Variants in ZMIZ1 observed in about 807,000 individuals in gnomAD.
The protein encoded by ZMIZ1 is zinc finger MIZ domain-containing protein 1.
In ZMIZ1, 17 loss-of-function variants were observed where a neutral mutation model predicts 113.9. The observed-to-expected ratio is 0.15, with a 90% CI of 0.10 to 0.22. The LOEUF (loss-of-function observed/expected upper bound fraction) is 0.22. Ranked by LOEUF, ZMIZ1 falls within the 10% of genes least tolerant of loss-of-function variation. The probability of loss-of-function intolerance (pLI) is 1.00; values close to 1 mark genes in which losing one functional copy is unlikely to be tolerated. For missense variants in ZMIZ1, 1,059 were observed against 1,477.8 expected (o/e 0.72, Z 4.65); for synonymous variants, 607 against 603.1 (o/e 1.01, Z -0.09).
At chr10:79,100,580 C>T (rs1843330046) in intron 1 of ZMIZ1, among the ~76,000 whole-genome samples, 1 of 152,118 alleles carries the variant, frequency 6.6e-6, no homozygotes, top group Non-Finnish European at 1.5e-5. Flanking sequence ...TCAGGGTCAA[C>T]AAGGAAACAT....
intron 7 of ZMIZ1, among the ~76,000 whole-genome samples, chr10:79,275,903 C>G (rs1225640893): frequency 3.9e-5 from 6 of 152,208 alleles, no homozygotes; most frequent in African/African-American, 1.4e-4. Context: ...AAAAAGGATG[C>G]AGAAGCACGT....
Position 79,296,369 on chromosome 10 carries a change from C to A in ZMIZ1, c.1231-102C>A. The A allele has an allele frequency of 7.8e-7, 1 of 1,285,142 alleles. No individual in the cohort carries two copies. The highest frequency in any genetic ancestry group is 1.1e-6 in the Non-Finnish European group (1 of 898,236). The allele number at this position is 1,285,142 out of a possible 1,614,324, so 79.6% of individuals were successfully genotyped here. On this transcript the variant is annotated intron_variant, in intron 12 of 24. Transcript: ENST00000334512. This position sits in a 1 kb window ranked among gnomAD's most constrained non-coding sequence, Gnocchi z 4.1. ...TTTTGTGGGTGGGAAACAGCAGGAG[C>A]AAATGAGGAGAGGCGGGCCCCATCC...
chr10:79,184,042 G>A (rs1048600879), intron 4 of ZMIZ1, among the ~76,000 whole-genome samples: 3 of 152,166 alleles, frequency 2.0e-5, no homozygotes, highest in South Asian at 2.1e-4. Flanking sequence ...AGGAAACGTC[G>A]GCCAGCGTTG....
At chr10:79,176,559 G>T (rs991337115) in intron 4 of ZMIZ1, among the ~76,000 whole-genome samples, 2 of 152,020 alleles carry the variant, frequency 1.3e-5, no homozygotes, top group African/African-American at 4.8e-5. Context: ...ATAACATTCG[G>T]TGCACACTGG....
At chr10:79,300,979 C>G in intron 17 of ZMIZ1, 37 bp downstream of exon 17, 1 of 1,600,856 alleles carries the variant, frequency 6.2e-7, no homozygotes. Flanking sequence ...TTGGCACAGG[C>G]AGGCCCTGTT....
At chr10:79,114,767 C>T (rs1414229761) in intron 1 of ZMIZ1, among the ~76,000 whole-genome samples, 1 of 152,000 alleles carries the variant, frequency 6.6e-6, no homozygotes, top group Non-Finnish European at 1.5e-5. Flanking sequence ...ATCTCCCCTC[C>T]CCCTGACATC....
intron 11 of ZMIZ1, chr10:79,292,801 CCTT>C (rs1248300858): frequency 2.4e-5 from 11 of 463,464 alleles, no homozygotes; most frequent in South Asian, 1.7e-4. Context: ...TGCTCCCTGA[CCTT>C]CTGAAGGATG....
At chr10:79,208,134 T>TGGG (rs1327736430) in intron 5 of ZMIZ1, among the ~76,000 whole-genome samples, 183 of 15,002 alleles carry the variant, frequency 0.012, 3 homozygotes, top group African/African-American at 0.04. Context: ...GAGGTGGGGG[T>TGGG]GGGGGGGGGT....
intron 1 of ZMIZ1, among the ~76,000 whole-genome samples, chr10:79,101,069 G>A (rs893101981): frequency 2.8e-4 from 42 of 152,180 alleles, no homozygotes; most frequent in African/African-American, 8.2e-4. Context: ...TCTTGAAGGG[G>A]TCCACAGAGG....
intron 24 of ZMIZ1, among the ~76,000 whole-genome samples, chr10:79,311,748 G>A (rs1855183805): frequency 6.6e-6 from 1 of 152,158 alleles, no homozygotes; most frequent in Admixed American, 6.5e-5. Flanking sequence ...GGGCAGCAGA[G>A]GTGCCAGGGC....
chr10:79,273,996 G>C (rs1852109574), intron 7 of ZMIZ1, among the ~76,000 whole-genome samples: 1 of 152,242 alleles, frequency 6.6e-6, no homozygotes, highest in Non-Finnish European at 1.5e-5. Flanking sequence ...GGGGGAAAGG[G>C]ACATTGGGTC....
intron 4 of ZMIZ1, among the ~76,000 whole-genome samples, chr10:79,181,822 CT>C (rs1847131469): frequency 6.6e-6 from 1 of 152,242 alleles, no homozygotes; most frequent in African/African-American, 2.4e-5. Flanking sequence ...TTGACCTCCC[CT>C]GACTTGGCGG....
rs147595782 is a variant in ZMIZ1 at position 79,267,606 on chromosome 10, C to G, written c.281-9575C>G. ...CTAAAGTAACTTACCCAAGATCACA[C>G]AGCTGCTACGTGGCTGAGCTGGGAT... On this transcript the variant is annotated intron_variant, in intron 7 of 24. Transcript: ENST00000334512. Among the ~76,000 whole-genome samples the G allele has an allele frequency of 4.6e-5, 7 of 152,338 alleles. No individual in the cohort carries two copies. In the East Asian group the frequency reaches 1.3e-3, roughly 29 times the overall value.
chr10:79,083,043 G>A (rs575744936), intron 1 of ZMIZ1, among the ~76,000 whole-genome samples: 91 of 152,364 alleles, frequency 6.0e-4, no homozygotes, highest in African/African-American at 2.1e-3. Context: ...CCAGGCCCTG[G>A]GGATACATTG....
rs758257181 is a variant in ZMIZ1, at chr10:79,299,111, C to A, written c.1728C>A (p.Pro576=). 6.2e-7 allele frequency: 1 copy of A among 1,612,588 alleles called. No individual in the cohort carries two copies. Among genetic ancestry groups the A allele is most frequent in the Non-Finnish European group, 8.5e-7 (1 of 1,179,912 alleles). The change falls in exon 16 of 25, where the codon CCC becomes CCA. Residue 576 remains proline, a synonymous_variant. Transcript: ENST00000334512. ...FPVRDGVVLE[P]FRLEHNLAVS... is the part of the protein sequence containing the mutation. ...TGCGGGATGGCGTGGTGCTGGAGCC[C>A]TTCCGCCTGGAGCACAACCTGGCGG... is the stretch of plus-strand genomic sequence containing the variant.
intron 6 of ZMIZ1, among the ~76,000 whole-genome samples, chr10:79,214,606 G>A (rs1336416696): frequency 6.6e-6 from 1 of 152,170 alleles, no homozygotes; most frequent in Non-Finnish European, 1.5e-5. Context: ...CGTGGGGAAC[G>A]ATTCTGTTGG....
chr10:79,246,857 G>A (rs1036635960), intron 7 of ZMIZ1, among the ~76,000 whole-genome samples: 3 of 152,230 alleles, frequency 2.0e-5, no homozygotes, highest in Non-Finnish European at 2.9e-5. Context: ...CCCACTGGCC[G>A]GAGGGCCGAA....
At chr10:79,276,056 G>A (rs1852268554) in intron 7 of ZMIZ1, among the ~76,000 whole-genome samples, 1 of 152,204 alleles carries the variant, frequency 6.6e-6, no homozygotes, top group South Asian at 2.1e-4. Flanking sequence ...CTCCCAGCAG[G>A]AGTAGGACAT....
intron 4 of ZMIZ1, among the ~76,000 whole-genome samples, chr10:79,186,556 C>T (rs1370135043): frequency 6.6e-6 from 1 of 152,214 alleles, no homozygotes; most frequent in East Asian, 1.9e-4. Context: ...AGAGTATAAA[C>T]TAATGAATTA....
Sources: allele counts gnomAD v4.1 joint callset (sites outside exome capture counted in the v4.1 genomes callset), GRCh38; gene constraint gnomAD v4.1.1; non-coding constraint Gnocchi (gnomAD v3.1); transcripts MANE v1.5; gene names NCBI Gene and HGNC (gene_info 2026-07-23, HGNC 2026-07-21).